Variants in PEAK1 observed in about 807,000 individuals in gnomAD.
PEAK1 encodes the protein inactive tyrosine-protein kinase PEAK1.
Under a neutral mutation model 124.7 loss-of-function variants are expected in PEAK1, and 54 were observed. The observed-to-expected ratio is 0.43, with a 90% CI of 0.35 to 0.54. The LOEUF (loss-of-function observed/expected upper bound fraction) is 0.54, where lower values mean the gene tolerates loss of function less well. Among genes scored for constraint, PEAK1 ranks in the 20% least tolerant of loss-of-function variants. The pLI is 0.01. For synonymous variants in PEAK1, 719 were observed against 760.0 expected (o/e 0.95, Z 0.89); for missense variants, 2,046 against 2,134.5 (o/e 0.96, Z 0.82).
At chr15:77,134,149 A>G (rs1287421033) in intron 8 of PEAK1, among the ~76,000 whole-genome samples, 3 of 152,240 alleles carry the variant, frequency 2.0e-5, no homozygotes, top group African/African-American at 7.2e-5. Flanking sequence ...CATTGTGGAT[A>G]AAGAAAATAC....
At chr15:77,337,696 T>C (rs1223408578) in intron 2 of PEAK1, 2 of 985,198 alleles carry the variant, frequency 2.0e-6, no homozygotes, top group East Asian at 1.1e-4. Flanking sequence ...AAGTCATTTG[T>C]CAGTAACCCT....
intron 7 of PEAK1, among the ~76,000 whole-genome samples, chr15:77,161,011 C>T (rs189556811): frequency 8.5e-5 from 13 of 152,246 alleles, no homozygotes; most frequent in African/African-American, 2.9e-4. Context: ...TGAGGAACTC[C>T]CTGGGCCCGC....
At chr15:77,328,386 GC>G (rs2065703569) in intron 2 of PEAK1, among the ~76,000 whole-genome samples, 1 of 152,044 alleles carries the variant, frequency 6.6e-6, no homozygotes, top group African/African-American at 2.4e-5. Context: ...CTGACACCAT[GC>G]AGACCAAATT....
intron 2 of PEAK1, among the ~76,000 whole-genome samples, chr15:77,340,168 A>G (rs2066440773): frequency 6.6e-6 from 1 of 152,262 alleles, no homozygotes; most frequent in Admixed American, 6.5e-5. Context: ...AAAAACCTGC[A>G]TGCAAATGTT....
At position 77,114,945 on chromosome 15, in the gene PEAK1, T is replaced by C; in HGVS notation, c.4452A>G (p.Lys1484=). Residue 1484 remains lysine, a synonymous_variant, in exon 10 of 10, where the codon AAA becomes AAG. Coordinates refer to ENST00000682557, the MANE Select transcript of PEAK1 (RefSeq NM_001385026.1). ...CCTGCCTCTCATACAAATCAGGGCT[T>C]TTCCCATGCTGGGCCAGAGAGTCTC... is the stretch of plus-strand genomic sequence containing the variant. ...FVRDSLAQHG[K]SPDLYERQVC... The C allele has an allele frequency of 1.9e-6, 3 of 1,614,038 alleles. No homozygotes were observed. Among genetic ancestry groups the C allele is most frequent in the Non-Finnish European group, 2.5e-6 (3 of 1,180,006 alleles).
In PEAK1 at chr15:77,137,179, A is replaced by T. The variant is rs1365160407; in HGVS notation, c.3332-3429T>A. 2.6e-5 allele frequency among the ~76,000 whole-genome samples: 4 copies of T among 152,354 alleles called. No individual in the cohort carries two copies. The East Asian group carries it at 7.7e-4, about 29-fold the overall frequency. ...GAAAACACCTGGATGCTGAGGCAGA[A>T]GTTGGCTGCAGGGGTCGGGCCCTCA... On this transcript the variant is annotated intron_variant, in intron 8 of 9. Transcript: ENST00000682557.
At chr15:77,158,302 C>T (rs2055334068) in intron 8 of PEAK1, 1 of 564,248 alleles carries the variant, frequency 1.8e-6, no homozygotes, top group African/African-American at 1.9e-5. Context: ...GCACTTGGCA[C>T]AGGGCTCATG....
intron 2 of PEAK1, chr15:77,346,360 C>T (rs561250439): frequency 4.9e-5 from 48 of 983,496 alleles, no homozygotes; most frequent in Non-Finnish European, 5.8e-5. Context: ...GGAATTTGTT[C>T]CTGTTCTATA....
At chr15:77,350,053 C>T in intron 2 of PEAK1, 1 of 985,326 alleles carries the variant, frequency 1.0e-6, no homozygotes, top group South Asian at 4.7e-5. Context: ...GGCTCAGCCA[C>T]CATGATAGTT....
intron 1 of PEAK1, among the ~76,000 whole-genome samples, chr15:77,392,349 G>C (rs1165618530): frequency 6.6e-6 from 1 of 152,292 alleles, no homozygotes; most frequent in African/African-American, 2.4e-5. Flanking sequence ...TGTGAAAAAA[G>C]AGTAATACCT....
chr15:77,241,557 CTA>C (rs2060357892), intron 6 of PEAK1, among the ~76,000 whole-genome samples: 1 of 151,984 alleles, frequency 6.6e-6, no homozygotes, highest in South Asian at 2.1e-4. Context: ...TATGACATGA[CTA>C]TGTATGTGAA....
intron 2 of PEAK1, among the ~76,000 whole-genome samples, chr15:77,324,141 A>G (rs945451192): frequency 1.3e-5 from 2 of 152,226 alleles, no homozygotes; most frequent in Non-Finnish European, 2.9e-5. Context: ...TTGGTTATGG[A>G]ATATGCGCTC....
At chr15:77,412,604 A>G (rs897340182) in intron 1 of PEAK1, among the ~76,000 whole-genome samples, 108 of 152,336 alleles carry the variant, frequency 7.1e-4, no homozygotes, top group African/African-American at 2.4e-3. Flanking sequence ...TTGTACATGG[A>G]TACGTGGATT....
intron 8 of PEAK1, among the ~76,000 whole-genome samples, chr15:77,152,084 G>A (rs1414272617): frequency 1.3e-5 from 2 of 152,156 alleles, no homozygotes; most frequent in Admixed American, 6.6e-5. Context: ...TGGGCAGTAT[G>A]GCCATTTTCA....
At chr15:77,258,735 T>G (rs1379007155) in intron 5 of PEAK1, among the ~76,000 whole-genome samples, 1 of 152,218 alleles carries the variant, frequency 6.6e-6, no homozygotes, top group Non-Finnish European at 1.5e-5. Flanking sequence ...CCTGCCTGAT[T>G]GCCCTGGCCA....
At chr15:77,235,424 T>A (rs1354504143) in intron 6 of PEAK1, among the ~76,000 whole-genome samples, 1 of 152,142 alleles carries the variant, frequency 6.6e-6, no homozygotes, top group East Asian at 1.9e-4. Flanking sequence ...GAGATAAGGC[T>A]TGGGAACTGC....
chr15:77,420,531 T>C (rs557273053), upstream of PEAK1: 11 of 204,960 alleles, frequency 5.4e-5, no homozygotes, highest in African/African-American at 2.5e-4. Context: ...GCCCGCTAGG[T>C]CAGCCGTCAT....
intron 1 of PEAK1, among the ~76,000 whole-genome samples, chr15:77,383,780 T>C (rs1263586415): frequency 5.9e-5 from 9 of 152,256 alleles, no homozygotes; most frequent in Non-Finnish European, 1.3e-4. Context: ...CTTTTTAGAA[T>C]GACTTTGGTC....
intron 1 of PEAK1, among the ~76,000 whole-genome samples, chr15:77,372,343 G>A (rs1392731004): frequency 1.3e-5 from 2 of 152,164 alleles, no homozygotes; most frequent in African/African-American, 2.4e-5. Context: ...TGACAGGCCA[G>A]CAATTTACTG....
Sources: gnomAD v4.1 joint callset for allele counts (sites outside exome capture counted in the v4.1 genomes callset) on GRCh38, gnomAD v4.1.1 for gene constraint, MANE v1.5 for transcripts, NCBI Gene and HGNC (gene_info 2026-07-23, HGNC 2026-07-21) for gene names.